The following C16orf74 variants were observed in gnomAD, a reference collection of about 807,000 sequenced individuals.
The protein encoded by C16orf74 is calcimembrin, also known as uncharacterized protein C16orf74.
Under a neutral mutation model 6.5 loss-of-function variants are expected in C16orf74, and 10 were observed. The ratio of observed to expected loss-of-function variants is 1.54; its 90% CI spans 0.95 to 2.61. The LOEUF (loss-of-function observed/expected upper bound fraction) is 2.61. Among genes scored for constraint, C16orf74 ranks in the 30% most tolerant of loss-of-function variants. The pLI is 0.00. For missense variants in C16orf74, 141 were observed against 105.9 expected (o/e 1.33, Z -1.45); for synonymous variants, 60 against 42.5 (o/e 1.41, Z -1.60).
chr16:85,739,083 C>G (rs1367776945), intron 1 of C16orf74, among the ~76,000 whole-genome samples: 1 of 152,168 alleles, frequency 6.6e-6, no homozygotes, highest in African/African-American at 2.4e-5. Flanking sequence ...GACCTCATCT[C>G]CATCCCTCAT....
intron 1 of C16orf74, among the ~76,000 whole-genome samples, chr16:85,745,766 T>C (rs1437889121): frequency 6.9e-6 from 1 of 145,016 alleles, no homozygotes; most frequent in Non-Finnish European, 1.5e-5. Flanking sequence ...AGAGACAGAA[T>C]CTCCCGCTGG....
intron 2 of C16orf74, among the ~76,000 whole-genome samples, chr16:85,711,426 C>G (rs1209303922): frequency 2.0e-5 from 3 of 149,896 alleles, no homozygotes; most frequent in Non-Finnish European, 3.0e-5. Flanking sequence ...ACCAGCCTGA[C>G]CAACACGGAG....
intron 2 of C16orf74, among the ~76,000 whole-genome samples, chr16:85,712,548 T>C (rs1427051697): frequency 1.3e-5 from 2 of 152,172 alleles, no homozygotes; most frequent in African/African-American, 2.4e-5. Context: ...CTGTCAGGGA[T>C]GATCTGTTTG....
At chr16:85,744,372 G>T (rs2054346266) in intron 1 of C16orf74, 1 of 152,052 alleles carries the variant, frequency 6.6e-6, no homozygotes, top group African/African-American at 2.4e-5. Flanking sequence ...TGCTAGTTTA[G>T]GTATAAATGT....
intron 1 of C16orf74, among the ~76,000 whole-genome samples, chr16:85,736,244 C>A (rs1223417702): frequency 1.3e-5 from 2 of 152,136 alleles, no homozygotes; most frequent in Admixed American, 6.5e-5. Context: ...AGGAGCAAGT[C>A]TGCTTTCTAG....
intron 2 of C16orf74, among the ~76,000 whole-genome samples, chr16:85,718,505 G>A (rs1011142793): frequency 6.6e-6 from 1 of 152,304 alleles, no homozygotes; most frequent in East Asian, 1.9e-4. Flanking sequence ...TGCGATGGAC[G>A]GCCAGACGGC....
chr16:85,747,244 G>A (rs1033874857), intron 1 of C16orf74, among the ~76,000 whole-genome samples: 1 of 152,054 alleles, frequency 6.6e-6, no homozygotes, highest in African/African-American at 2.4e-5. Flanking sequence ...AAATAAGAGG[G>A]CTTTGAGACC....
chr16:85,737,074 C>T (rs995570382), intron 1 of C16orf74, among the ~76,000 whole-genome samples: 7 of 151,922 alleles, frequency 4.6e-5, no homozygotes, highest in Non-Finnish European at 1.0e-4. Context: ...AGGGGTGAGG[C>T]ACATAACAGT....
intron 2 of C16orf74, among the ~76,000 whole-genome samples, chr16:85,717,951 G>A (rs559382124): frequency 6.6e-6 from 1 of 152,184 alleles, no homozygotes; most frequent in East Asian, 1.9e-4. Context: ...AGGTCCCTGG[G>A]GTCAGGGCAC....
At chr16:85,731,449 C>T (rs1343261022) in intron 2 of C16orf74, among the ~76,000 whole-genome samples, 1 of 152,164 alleles carries the variant, frequency 6.6e-6, no homozygotes, top group Non-Finnish European at 1.5e-5. Context: ...GGAGGGTCAC[C>T]TGGAAACAGG....
At chr16:85,714,599 T>C (rs2054003820) in intron 2 of C16orf74, among the ~76,000 whole-genome samples, 2 of 151,394 alleles carry the variant, frequency 1.3e-5, no homozygotes, top group African/African-American at 4.8e-5. Context: ...TTTATATTTT[T>C]CGTAGAGACG....
intron 2 of C16orf74, among the ~76,000 whole-genome samples, chr16:85,732,358 A>G (rs1567809151): frequency 6.6e-6 from 1 of 152,154 alleles, no homozygotes; most frequent in Non-Finnish European, 1.5e-5. Flanking sequence ...GCTACTTCAA[A>G]TATGGAGTTA....
At chr16:85,723,691 G>C (rs765112207) in intron 2 of C16orf74, among the ~76,000 whole-genome samples, 2 of 152,238 alleles carry the variant, frequency 1.3e-5, no homozygotes, top group African/African-American at 2.4e-5. Context: ...CTGAAGTCCT[G>C]CTTGGGCAAG....
Position 85,710,231 on chromosome 16 carries a change from C to T in C16orf74, c.105G>A (p.Val35=). The stretch of plus-strand genomic sequence containing the variant: ...TGGGGGGCGTGATGATGATGTCGGG[C>T]ACGTCCAGGTGCTTGTCGTTCAGGA... ...APVLNDKHLD[V]PDIIITPPTP... The change falls in exon 3 of 4, where the codon GTG becomes GTA. Residue 35 remains valine, a synonymous_variant. Transcript: ENST00000284245. The T allele has an allele frequency of 1.3e-6, 2 of 1,503,640 alleles. No individual in the cohort carries two copies. The highest frequency in any genetic ancestry group is 1.8e-6 in the Non-Finnish European group (2 of 1,138,728). The allele number at this position is 1,503,640 out of a possible 1,614,324, so 93.1% of individuals were successfully genotyped here.
At chr16:85,736,131 G>A (rs1311696726) in intron 1 of C16orf74, among the ~76,000 whole-genome samples, 1 of 152,168 alleles carries the variant, frequency 6.6e-6, no homozygotes, top group Admixed American at 6.5e-5. Context: ...GAACCCCAGG[G>A]GATGGGAGGT....
chr16:85,734,762 C>A (rs553098352), intron 2 of C16orf74, among the ~76,000 whole-genome samples: 1 of 152,198 alleles, frequency 6.6e-6, no homozygotes, highest in African/African-American at 2.4e-5. Flanking sequence ...GTTTTGTGTC[C>A]TTCTAGAACT....
intron 2 of C16orf74, among the ~76,000 whole-genome samples, chr16:85,711,240 C>A (rs1468017781): frequency 1.3e-5 from 2 of 148,724 alleles, no homozygotes; most frequent in African/African-American, 5.0e-5. Context: ...CACTTAAACC[C>A]GGGAGGCAGA....
At chr16:85,747,072 C>T (rs745853689) in intron 1 of C16orf74, among the ~76,000 whole-genome samples, 13 of 152,054 alleles carry the variant, frequency 8.5e-5, no homozygotes, top group South Asian at 2.1e-4. Context: ...GGAGGCCCAC[C>T]GAAATCCCCA....
Position 85,710,300 on chromosome 16 carries a change from T to A in C16orf74, c.36A>T (p.Gln12His), listed in dbSNP as rs141454251. The A allele has an allele frequency of 0.011, 16,626 of 1,509,600 alleles. 135 individuals are homozygous for A. Among genetic ancestry groups the A allele is most frequent in the South Asian group, 0.018 (1,361 of 76,436 alleles). The allele number at this position is 1,509,600 out of a possible 1,614,324, so 93.5% of individuals were successfully genotyped here. A position where few individuals can be genotyped will look rare whatever the true frequency, so the allele number is the denominator to read the frequency against. Residue 12 changes from glutamine to histidine, a missense_variant, in exon 3 of 4, where the codon CAA becomes CAT. By Grantham distance (24) the Gln-to-His change is conservative. Transcript: ENST00000284245. ...TGCTGCTGCTGCTGCTGACACACAT[T>A]TGAAAGCCTGAGAAGCCAGGCGTGG... is the stretch of plus-strand genomic sequence containing the variant. ...GLKMSCLKGF[Q>H]MCVSSSSSSH...
Sources: gnomAD v4.1 joint callset for allele counts (sites outside exome capture counted in the v4.1 genomes callset) on GRCh38, gnomAD v4.1.1 for gene constraint, MANE v1.5 for transcripts, NCBI Gene and HGNC (gene_info 2026-07-23, HGNC 2026-07-21) for gene names.